The following CIMAP1B variants were observed in gnomAD, a reference collection of about 807,000 sequenced individuals.
CIMAP1B encodes the protein orf2 5' to PD-ECGF/TP.
chr22:50,531,785 C>A, the CIMAP1B span: 1 of 1,354,400 alleles, frequency 7.4e-7, no homozygotes, highest in South Asian at 1.9e-5. Context: ...TGGGAGCATC[C>A]GAGTTAGCGT....
chr22:50,530,466 T>A, the CIMAP1B span: 1 of 1,585,470 alleles, frequency 6.3e-7, no homozygotes, highest in South Asian at 1.1e-5. Flanking sequence ...GTGGGGCCGC[T>A]CCCGCCTGGC....
chr22:50,530,708 C>A, the CIMAP1B span: 4 of 1,611,556 alleles, frequency 2.5e-6, no homozygotes, highest in Non-Finnish European at 3.4e-6. Flanking sequence ...GGGCTCCAGG[C>A]CACCTGATCC....
chr22:50,530,486 G>A, the CIMAP1B span: 1 of 1,597,314 alleles, frequency 6.3e-7, no homozygotes, highest in East Asian at 2.3e-5. Flanking sequence ...CGGGTCAGTT[G>A]TCCGCGTCGG....
the CIMAP1B span, chr22:50,530,482 A>T: frequency 6.3e-7 from 1 of 1,596,250 alleles, no homozygotes; most frequent in Non-Finnish European, 8.5e-7. Flanking sequence ...CTGGCGGGTC[A>T]GTTGTCCGCG....
chr22:50,531,962 C>T, the CIMAP1B span: 244 of 1,331,128 alleles, frequency 1.8e-4, 3 homozygotes, highest in South Asian at 4.5e-3. Context: ...GGGCCTGCCC[C>T]TTCTACCGGT....
the CIMAP1B span, chr22:50,530,823 CA>C: frequency 6.2e-7 from 1 of 1,604,516 alleles, no homozygotes; most frequent in Non-Finnish European, 8.5e-7. Context: ...CCCCTGGACT[CA>C]CGACCTGATA....
At chr22:50,530,785 G>T in the CIMAP1B span, 4 of 1,607,344 alleles carry the variant, frequency 2.5e-6, no homozygotes, top group Admixed American at 1.7e-5. Context: ...CGCCAGAATC[G>T]TGAACTGGGG....
chr22:50,531,577 C>G, the CIMAP1B span: 3 of 1,414,952 alleles, frequency 2.1e-6, no homozygotes, highest in African/African-American at 1.5e-5. Flanking sequence ...GACCAGGTCC[C>G]GGAGTGAGGA....
At chr22:50,532,129 T>G in the CIMAP1B span, 1 of 1,331,154 alleles carries the variant, frequency 7.5e-7, no homozygotes. Context: ...CAGAAGGCGG[T>G]GGCCGCGGCC....
At chr22:50,531,166 C>A in the CIMAP1B span, 2 of 1,600,170 alleles carry the variant, frequency 1.2e-6, no homozygotes, top group African/African-American at 1.3e-5. Context: ...GCCCACAGTT[C>A]TGGGATGGGC....
the CIMAP1B span, chr22:50,531,685 G>A: frequency 1.5e-6 from 2 of 1,369,930 alleles, no homozygotes; most frequent in East Asian, 3.0e-5. Flanking sequence ...GGCCTGGCCC[G>A]GGGCCGCACG....
the CIMAP1B span, chr22:50,531,161 C>T: frequency 3.3e-5 from 52 of 1,596,056 alleles, no homozygotes; most frequent in Non-Finnish European, 4.5e-5. Context: ...GGAAGGCCCA[C>T]AGTTCTGGGA....
At chr22:50,532,059 C>T in the CIMAP1B span, 1 of 1,350,000 alleles carries the variant, frequency 7.4e-7, no homozygotes, top group East Asian at 3.1e-5. Context: ...CAAAGGCCCA[C>T]CCAGGCGTCC....
the CIMAP1B span, chr22:50,531,639 C>T: frequency 0.045 from 61,515 of 1,378,820 alleles, 1,574 homozygotes; most frequent in Non-Finnish European, 0.05. Flanking sequence ...GGGGCGCCGT[C>T]GGTGCCGCGC....
chr22:50,530,907 C>G, the CIMAP1B span: 1 of 1,609,230 alleles, frequency 6.2e-7, no homozygotes, highest in Non-Finnish European at 8.5e-7. Context: ...GACCAGGGAC[C>G]CCCTGCGTCC....
At chr22:50,531,052 G>C in the CIMAP1B span, 5 of 1,609,624 alleles carry the variant, frequency 3.1e-6, no homozygotes, top group South Asian at 5.5e-5. Flanking sequence ...CGTATAGGCC[G>C]CGGGACCTGG....
the CIMAP1B span, chr22:50,531,242 G>T: frequency 1.2e-6 from 2 of 1,612,404 alleles, no homozygotes; most frequent in South Asian, 1.1e-5. Context: ...GCAATGGTGT[G>T]CCGAGGCGCA....
the CIMAP1B span, chr22:50,530,623 G>C: frequency 6.4e-7 from 1 of 1,566,912 alleles, no homozygotes; most frequent in Non-Finnish European, 8.7e-7. Flanking sequence ...CGGGACCCCT[G>C]GACCCCCGGG....
chr22:50,530,608 C>T, the CIMAP1B span: 1 of 1,565,078 alleles, frequency 6.4e-7, no homozygotes, highest in Non-Finnish European at 8.7e-7. Flanking sequence ...GCATCCTCTC[C>T]GCGCCGGGAC....
Sources: allele counts gnomAD v4.1 joint callset, GRCh38; gene constraint gnomAD v4.1.1; transcripts MANE v1.5; gene names NCBI Gene and HGNC (gene_info 2026-07-23, HGNC 2026-07-21).